Variants in DAB1 observed in about 807,000 individuals in gnomAD.
DAB1 encodes the protein disabled homolog 1.
In DAB1, 15 loss-of-function variants were observed where a neutral mutation model predicts 64.6. That is an observed-to-expected ratio of 0.23 (90% confidence interval 0.16 to 0.36). The LOEUF (loss-of-function observed/expected upper bound fraction) is 0.36. Ranked by LOEUF, DAB1 falls within the 10% of genes least tolerant of loss-of-function variation. The pLI, the probability that DAB1 is intolerant of heterozygous loss-of-function variation, is 1.00. For missense variants in DAB1, 596 were observed against 706.7 expected, an observed-to-expected ratio of 0.84 and a Z score of 1.78; for synonymous variants, 235 against 251.9, an observed-to-expected ratio of 0.93 and a Z score of 0.64.
At chr1:58,309,957 G>A (rs1662391231) in intron 4 of DAB1, among the ~76,000 whole-genome samples, 1 of 152,168 alleles carries the variant, frequency 6.6e-6, no homozygotes, top group Admixed American at 6.5e-5. Flanking sequence ...GAATCTTGAT[G>A]ATTCCTGGCC....
Position 57,401,728 on chromosome 1 carries a change from T to C in DAB1, c.-137+22202A>G, listed in dbSNP as rs1220936975. Among the ~76,000 whole-genome samples the C allele has an allele frequency of 2.0e-5, 3 of 152,192 alleles. No homozygotes were observed. In the East Asian group the frequency reaches 5.8e-4, roughly 29 times the overall value. The stretch of plus-strand genomic sequence containing the variant: ...GTCAGCAGTTCAAGGACACACAGAT[T>C]TTCCGACAGACCTGAGATTAGAACC... On this transcript the variant is annotated intron_variant, in intron 1 of 14. Transcript: ENST00000371236.
chr1:58,540,491 A>G (rs933055577), intron 1 of DAB1, among the ~76,000 whole-genome samples: 1 of 151,898 alleles, frequency 6.6e-6, no homozygotes, highest in Non-Finnish European at 1.5e-5. Flanking sequence ...TATACTGCAC[A>G]TGTTTAAGAA....
intron 6 of DAB1, among the ~76,000 whole-genome samples, chr1:57,690,718 C>T (rs563209097): frequency 4.6e-5 from 7 of 152,270 alleles, no homozygotes; most frequent in African/African-American, 4.8e-5. Context: ...TAAGAACCTC[C>T]AAACAGTTCT....
intron 2 of DAB1, among the ~76,000 whole-genome samples, chr1:58,513,053 G>A (rs1646105957): frequency 6.6e-6 from 1 of 152,146 alleles, no homozygotes; most frequent in South Asian, 2.1e-4. Flanking sequence ...GTTTGGCTGT[G>A]TCCCCACCCA....
At chr1:58,128,089 G>T (rs1653257112) in intron 5 of DAB1, among the ~76,000 whole-genome samples, 1 of 151,824 alleles carries the variant, frequency 6.6e-6, no homozygotes, top group Non-Finnish European at 1.5e-5. Context: ...TCCTACCCAT[G>T]AGCATGGAAT....
At chr1:57,594,117 C>T (rs1485642473) in intron 7 of DAB1, among the ~76,000 whole-genome samples, 1 of 152,150 alleles carries the variant, frequency 6.6e-6, no homozygotes, top group Non-Finnish European at 1.5e-5. Context: ...CTGTCCTACT[C>T]CTCTGAAAGA....
chr1:58,053,251 T>G (rs1302970101), intron 5 of DAB1, among the ~76,000 whole-genome samples: 42 of 152,146 alleles, frequency 2.8e-4, no homozygotes, highest in Non-Finnish European at 4.4e-5. Context: ...AAGGAATACC[T>G]GAGGCTGGAT....
intron 3 of DAB1, among the ~76,000 whole-genome samples, chr1:58,366,983 A>G (rs1049588905): frequency 1.3e-5 from 2 of 152,326 alleles, no homozygotes; most frequent in East Asian, 3.9e-4. Context: ...TGAACTTTAC[A>G]TCTGATGTTA....
At chr1:57,889,894 T>TGGGGG (rs1259975929) in intron 5 of DAB1, among the ~76,000 whole-genome samples, 7 of 8,008 alleles carry the variant, frequency 8.7e-4, no homozygotes, top group East Asian at 5.4e-3. Context: ...TAGCACAAAC[T>TGGGGG]GGGGCGGGGG....
At chr1:58,384,233 T>C (rs1463230124) in intron 3 of DAB1, among the ~76,000 whole-genome samples, 2 of 152,084 alleles carry the variant, frequency 1.3e-5, no homozygotes, top group East Asian at 1.9e-4. Flanking sequence ...TACCATTTGC[T>C]ACAACACGGA....
intron 6 of DAB1, among the ~76,000 whole-genome samples, chr1:57,687,541 C>G (rs1200981457): frequency 1.5e-5 from 2 of 132,518 alleles, no homozygotes; most frequent in African/African-American, 2.9e-5. Flanking sequence ...AAAATCTATT[C>G]TAAAACTCAT....
chr1:57,486,716 G>A (rs969086053), intron 7 of DAB1, among the ~76,000 whole-genome samples: 8 of 152,028 alleles, frequency 5.3e-5, no homozygotes, highest in African/African-American at 1.9e-4. Flanking sequence ...GAGCCAGTAG[G>A]CTCAGCTTCA....
At chr1:57,755,925 G>C (rs570468629) in intron 6 of DAB1, among the ~76,000 whole-genome samples, 1 of 152,208 alleles carries the variant, frequency 6.6e-6, no homozygotes, top group South Asian at 2.1e-4. Context: ...AAACAAATAG[G>C]AGTAAATACT....
intron 5 of DAB1, among the ~76,000 whole-genome samples, chr1:57,989,124 C>T (rs994102714): frequency 7.9e-5 from 12 of 152,124 alleles, no homozygotes; most frequent in Middle Eastern, 3.2e-3. Context: ...TACTTAACTC[C>T]CCCATGCCTC....
intron 9 of DAB1, among the ~76,000 whole-genome samples, chr1:57,056,742 C>T (rs1382756926): frequency 1.3e-5 from 2 of 151,594 alleles, no homozygotes; most frequent in Non-Finnish European, 2.9e-5. Context: ...TGCACGCCTG[C>T]AATCCCAGTT....
Position 58,336,938 on chromosome 1 carries a change from G to A in DAB1, n.309+6414C>T, listed in dbSNP as rs1245197113. Among the ~76,000 whole-genome samples, 5 of 152,066 alleles carry A rather than the reference G, an allele frequency of 3.3e-5. No homozygotes were observed. In the East Asian group the frequency reaches 5.8e-4, roughly 18 times the overall value. On this transcript the variant is annotated intron_variant and non_coding_transcript_variant, in intron 4 of 20. Coordinates refer to the DAB1 transcript ENST00000485760. ...TTATTGAATGCAGTGCCTAAAACTTGGAAAATAATAATGCTCAGAACAATA... is the reference window on the plus strand; with the variant it reads ...TTATTGAATGCAGTGCCTAAAACTTAGAAAATAATAATGCTCAGAACAATA...
chr1:58,126,336 G>T (rs1482841417), intron 5 of DAB1, among the ~76,000 whole-genome samples: 1 of 152,170 alleles, frequency 6.6e-6, no homozygotes, highest in East Asian at 1.9e-4. Context: ...GCAGCCCGGG[G>T]TAGGGGGAAA....
chr1:57,193,721 A>G (rs1664375744), intron 2 of DAB1, among the ~76,000 whole-genome samples: 1 of 152,202 alleles, frequency 6.6e-6, no homozygotes, highest in Non-Finnish European at 1.5e-5. Context: ...ATTGGTTTTT[A>G]GAAATATTTC....
At chr1:58,349,351 T>C (rs900205704) in intron 3 of DAB1, among the ~76,000 whole-genome samples, 4 of 152,152 alleles carry the variant, frequency 2.6e-5, no homozygotes, top group Admixed American at 1.3e-4. Context: ...GGGAAAAGCA[T>C]GTGAGCAGCA....
Sources: gnomAD v4.1 joint callset for allele counts (sites outside exome capture counted in the v4.1 genomes callset) on GRCh38, gnomAD v4.1.1 for gene constraint, MANE v1.5 for transcripts, NCBI Gene and HGNC (gene_info 2026-07-23, HGNC 2026-07-21) for gene names.